PAQR3: variants seen among roughly 807,000 people sequenced by gnomAD.
The protein encoded by PAQR3 is Raf kinase trapping to Golgi.
PAQR3 carries 39 observed loss-of-function variants against 41.7 expected under a neutral mutation model. The ratio of observed to expected loss-of-function variants is 0.93; its 90% CI spans 0.72 to 1.22. The LOEUF (loss-of-function observed/expected upper bound fraction) is 1.22. PAQR3 is among the 50% of genes most tolerant of loss of function. PAQR3 has a pLI of 0.00. For missense variants in PAQR3, 366 were observed against 385.6 expected (o/e 0.95, Z 0.42); for synonymous variants, 140 against 140.6 (o/e 1.00, Z 0.03).
At chr4:78,927,793 G>A (rs1185729609) in intron 3 of PAQR3, among the ~76,000 whole-genome samples, 1 of 152,236 alleles carries the variant, frequency 6.6e-6, no homozygotes, top group African/African-American at 2.4e-5. Flanking sequence ...AGTCACGTAA[G>A]ACAAGAGTTC....
At chr4:78,891,208 T>C (rs183636826) in intron 11 of PAQR3, among the ~76,000 whole-genome samples, 19 of 152,286 alleles carry the variant, frequency 1.2e-4, no homozygotes, top group African/African-American at 4.1e-4. Flanking sequence ...TGTTGAGAAA[T>C]CTGATATTAT....
chr4:78,916,365 A>G lies in PAQR3; in HGVS notation c.*4174T>C, dbSNP rs759417935. Reference sequence around the variant, plus strand: ...CCAAATGGATTGCATATTCTTTATAATCAGTGACTTTGGAGTTTTTCATTA... The same window carrying G: ...CCAAATGGATTGCATATTCTTTATAGTCAGTGACTTTGGAGTTTTTCATTA... On this transcript the variant is annotated 3_prime_UTR_variant, in exon 6 of 6. Transcript: ENST00000512733. 6 of 151,944 alleles carry G rather than the reference A, an allele frequency of 3.9e-5. No homozygotes were observed. Among genetic ancestry groups the G allele is most frequent in the Non-Finnish European group, 7.4e-5 (5 of 67,888 alleles). The allele number at this position is 151,944 out of a possible 1,614,324, so 9.4% of individuals were successfully genotyped here. A position where few individuals can be genotyped will look rare whatever the true frequency, so the allele number is the denominator to read the frequency against.
At chr4:78,897,945 A>G (rs557090196) in intron 11 of PAQR3, among the ~76,000 whole-genome samples, 1 of 152,312 alleles carries the variant, frequency 6.6e-6, no homozygotes, top group South Asian at 2.1e-4. Context: ...CAATAGATAA[A>G]TTATTCTGTT....
intron 11 of PAQR3, among the ~76,000 whole-genome samples, chr4:78,888,848 C>G (rs1366804804): frequency 6.6e-6 from 1 of 152,128 alleles, no homozygotes; most frequent in East Asian, 1.9e-4. Context: ...TAATACTGTT[C>G]ATTGAATGTG....
Position 78,918,228 on chromosome 4 carries a change from G to C in PAQR3, c.*2311C>G, listed in dbSNP as rs1735280930. ...TCTTTTTTAGTAATAAAACTGGATA[G>C]TATATTTTAATCTTACTTTAATCTA... On this transcript the variant is annotated 3_prime_UTR_variant, in exon 6 of 6. Transcript: ENST00000512733. 5 of 830,284 alleles carry C rather than the reference G, an allele frequency of 6.0e-6. No individual in the cohort carries two copies. Among genetic ancestry groups the C allele is most frequent in the South Asian group, 5.6e-5 (1 of 18,002 alleles). 51.4% of individuals were successfully genotyped at this position (830,284 alleles called of 1,614,324 possible). A position where few individuals can be genotyped will look rare whatever the true frequency, so the allele number is the denominator to read the frequency against.
chr4:78,904,419 A>G (rs907435296), intron 11 of PAQR3, among the ~76,000 whole-genome samples: 1 of 151,874 alleles, frequency 6.6e-6, no homozygotes, highest in African/African-American at 2.4e-5. Flanking sequence ...TCCTCTTGAC[A>G]CTTATTTCAG....
At chr4:78,932,313 A>G (rs1736988040) in intron 2 of PAQR3, among the ~76,000 whole-genome samples, 1 of 152,152 alleles carries the variant, frequency 6.6e-6, no homozygotes, top group Non-Finnish European at 1.5e-5. Flanking sequence ...AAGTTTGGTT[A>G]TTTGTTTTCT....
chr4:78,912,326 C>G lies in PAQR3; in HGVS notation c.*8213G>C, dbSNP rs555722717. On this transcript the variant is annotated 3_prime_UTR_variant, in exon 6 of 6. Coordinates refer to ENST00000512733, the MANE Select transcript of PAQR3 (RefSeq NM_001040202.2). The stretch of plus-strand genomic sequence containing the variant: ...TACTTCCAGTGAAAGCACATGGCAC[C>G]TTTCTAGGTGTGTAGCCACTGAGAA... 3 of 316,780 alleles carry G rather than the reference C, an allele frequency of 9.5e-6. No individual in the cohort carries two copies. Among genetic ancestry groups the G allele is most frequent in the Admixed American group, 9.0e-5 (2 of 22,126 alleles). 19.6% of individuals were successfully genotyped at this position (316,780 alleles called of 1,614,324 possible).
In PAQR3 at chr4:78,916,400, T is replaced by A. The variant is rs1421397778; in HGVS notation, c.*4139A>T. ...TTGGAGTTTTTCATTATTTGTCTTATTATGACTTTTGGATGTAAACTTCTA... is the reference window on the plus strand; with the variant it reads ...TTGGAGTTTTTCATTATTTGTCTTAATATGACTTTTGGATGTAAACTTCTA... On this transcript the variant is annotated 3_prime_UTR_variant, in exon 6 of 6. Transcript: ENST00000512733. The A allele has an allele frequency of 6.6e-6, 1 of 151,950 alleles. No homozygotes were observed. The highest frequency in any genetic ancestry group is 1.5e-5 in the Non-Finnish European group (1 of 67,896). The allele number at this position is 151,950 out of a possible 1,614,324, so 9.4% of individuals were successfully genotyped here. A position where few individuals can be genotyped will look rare whatever the true frequency, so the allele number is the denominator to read the frequency against.
At chr4:78,936,470 C>T (rs1038108078) in intron 1 of PAQR3, among the ~76,000 whole-genome samples, 2 of 152,034 alleles carry the variant, frequency 1.3e-5, no homozygotes, top group Non-Finnish European at 2.9e-5. Context: ...AAAGTGAGAA[C>T]CATAGTGACT....
At position 78,926,607 on chromosome 4, in the gene PAQR3, T is replaced by C; in HGVS notation, c.616A>G (p.Ile206Val). 6.2e-7 allele frequency: 1 copy of C among 1,613,982 alleles called. No homozygotes were observed. Among genetic ancestry groups the C allele is most frequent in the Non-Finnish European group, 8.5e-7 (1 of 1,179,914 alleles). ...TQQWQRLRSI[I>V]FCSVSGYGVI... ...CCATATCCCGAAACAGAACAAAAGATGATAGAACGGAGCCTTTGCCATTGC... is the reference window on the plus strand; with the variant it reads ...CCATATCCCGAAACAGAACAAAAGACGATAGAACGGAGCCTTTGCCATTGC... Residue 206 changes from isoleucine to valine, a missense_variant, in exon 4 of 6, where the codon ATC (isoleucine) becomes GTC (valine). By Grantham distance (29) the Ile-to-Val change is conservative. Transcript: ENST00000512733.
In PAQR3 at chr4:78,917,834, G is replaced by A. The variant is rs1735232359; in HGVS notation, c.*2705C>T. 1.0e-6 allele frequency: 1 copy of A among 985,328 alleles called. No homozygotes were observed. The highest frequency in any genetic ancestry group is 1.7e-5 in the African/African-American group (1 of 57,150). 61.0% of individuals were successfully genotyped at this position (985,328 alleles called of 1,614,324 possible). A position where few individuals can be genotyped will look rare whatever the true frequency, so the allele number is the denominator to read the frequency against. ...CAAATCGGATATTCTGTCCAGGTGG[G>A]ATGCCATAAGATGTGACAGACATTC... On this transcript the variant is annotated 3_prime_UTR_variant, in exon 6 of 6. Transcript: ENST00000512733.
chr4:78,910,832 A>G, downstream of PAQR3: 1 of 1,613,022 alleles, frequency 6.2e-7, no homozygotes, highest in South Asian at 1.1e-5. Context: ...CAAGATGATG[A>G]AGAAGTTCTT....
In PAQR3 at chr4:78,918,967, G is replaced by A; in HGVS notation, c.*1572C>T. 1 of 984,984 alleles carries A rather than the reference G, an allele frequency of 1.0e-6. No homozygotes were observed. Among genetic ancestry groups the A allele is most frequent in the Non-Finnish European group, 1.2e-6 (1 of 829,688 alleles). 61.0% of individuals were successfully genotyped at this position (984,984 alleles called of 1,614,324 possible). On this transcript the variant is annotated 3_prime_UTR_variant, in exon 6 of 6. Coordinates refer to ENST00000512733, the MANE Select transcript of PAQR3 (RefSeq NM_001040202.2). ...ATAAGGTAAAACAGCCATTTTCAAA[G>A]CAGCCTTCCATCATAACGATGGGTA...
intron 11 of PAQR3, among the ~76,000 whole-genome samples, chr4:78,891,274 T>C (rs1298648190): frequency 2.0e-5 from 3 of 152,124 alleles, no homozygotes; most frequent in Non-Finnish European, 4.4e-5. Flanking sequence ...TCTTCCTCTT[T>C]TTCTTATTCC....
intron 10 of PAQR3, among the ~76,000 whole-genome samples, chr4:78,906,609 T>C (rs948668672): frequency 2.0e-5 from 3 of 152,180 alleles, no homozygotes; most frequent in Non-Finnish European, 4.4e-5. Context: ...TTTGTTGGTC[T>C]ACTTACTTCT....
rs1734935919 is a variant in PAQR3 at position 78,915,159 on chromosome 4, A to G, written c.*5380T>C. ...CCCAATCCCTGTGTACGTGTTGGGT[A>G]TAGTTACGACATTATCCGGATTTGC... is the stretch of plus-strand genomic sequence containing the variant. On this transcript the variant is annotated 3_prime_UTR_variant, in exon 6 of 6. Coordinates refer to ENST00000512733, the MANE Select transcript of PAQR3 (RefSeq NM_001040202.2). 6.6e-6 allele frequency: 1 copy of G among 152,018 alleles called. No homozygotes were observed. The highest frequency in any genetic ancestry group is 1.5e-5 in the Non-Finnish European group (1 of 67,914). 9.4% of individuals were successfully genotyped at this position (152,018 alleles called of 1,614,324 possible). A position where few individuals can be genotyped will look rare whatever the true frequency, so the allele number is the denominator to read the frequency against.
chr4:78,926,749 T>C, intron 3 of PAQR3, 31 bp from the exon 4 acceptor site: 2 of 1,588,936 alleles, frequency 1.3e-6, no homozygotes, highest in African/African-American at 1.3e-5. Context: ...ATTTTAATTC[T>C]GTTATTAACA....
At chr4:78,911,258 G>A (rs763917723), downstream of PAQR3, 1 of 1,614,006 alleles carries the variant, frequency 6.2e-7, no homozygotes. Flanking sequence ...GCGCCTTTTA[G>A]CAAGAAGGTG....
Sources: gnomAD v4.1 joint callset for allele counts (sites outside exome capture counted in the v4.1 genomes callset) on GRCh38, gnomAD v4.1.1 for gene constraint, MANE v1.5 for transcripts, NCBI Gene and HGNC (gene_info 2026-07-23, HGNC 2026-07-21) for gene names.